The following AMMECR1 variants were observed in gnomAD, a reference collection of about 807,000 sequenced individuals.
AMMECR1 encodes the protein nuclear protein AMMECR1.
In AMMECR1, 3 loss-of-function variants were observed where a neutral mutation model predicts 22.5. That is an observed-to-expected ratio of 0.13 (90% CI 0.06 to 0.35). The LOEUF (loss-of-function observed/expected upper bound fraction) is 0.35, where lower values mean the gene tolerates loss of function less well. AMMECR1 is among the 10% of genes least tolerant of loss of function. The pLI, the probability that AMMECR1 is intolerant of heterozygous loss-of-function variation, is 1.00. For missense variants in AMMECR1, 235 were observed against 278.7 expected, an observed-to-expected ratio of 0.84 and a Z score of 1.12; for synonymous variants, 130 against 116.7, an observed-to-expected ratio of 1.11 and a Z score of -0.74.
intron 2 of AMMECR1, among the ~76,000 whole-genome samples, chrX:110,378,069 CCTTTT>C (rs2068391794): frequency 9.2e-6 from 1 of 108,442 alleles, no homozygotes. Flanking sequence ...CATCTTTTGT[CCTTTT>C]CTTCAAGATT....
chrX:110,383,953 C>T (rs2147051), intron 2 of AMMECR1, among the ~76,000 whole-genome samples: 12,688 of 111,477 alleles, frequency 0.11, 1,248 homozygotes, highest in African/African-American at 0.32. Flanking sequence ...GCTTCAGCTT[C>T]GTCATGTATA....
At chrX:110,257,430 G>T (rs997705626) in intron 2 of AMMECR1, among the ~76,000 whole-genome samples, 3 of 112,259 alleles carry the variant, frequency 2.7e-5, no homozygotes, top group African/African-American at 9.7e-5. Flanking sequence ...GCATGTGCAT[G>T]CACACTCTTA....
At chrX:110,337,786 T>C (rs896425695) in intron 2 of AMMECR1, among the ~76,000 whole-genome samples, 3 of 112,441 alleles carry the variant, frequency 2.7e-5, no homozygotes, top group African/African-American at 9.7e-5. Flanking sequence ...GCAGCATTAT[T>C]CATAATAGCT....
chrX:110,247,977 A>G (rs1436764372), intron 2 of AMMECR1, among the ~76,000 whole-genome samples: 1 of 112,280 alleles, frequency 8.9e-6, no homozygotes, highest in East Asian at 2.8e-4. Context: ...TGTTTGCCAC[A>G]GAATTTTAAA....
At position 110,209,181 on chromosome X, in the gene AMMECR1, AAAAT is replaced by A. The variant is rs767569874; in HGVS notation, c.700-6649_700-6646del. On this transcript the variant is annotated intron_variant, in intron 3 of 5. Transcript: ENST00000262844. ...CTGTTTGCCTAATAAGAAATTAAGAAAAATAAAATTGTATTCATTAGAACTGTAC... is the reference window on the plus strand; with the variant it reads ...CTGTTTGCCTAATAAGAAATTAAGAAAAAATTGTATTCATTAGAACTGTAC... 3.0e-4 allele frequency among the ~76,000 whole-genome samples: 34 copies of A among 112,032 alleles called. 1 individual carries two copies. The South Asian group carries it at 0.012, about 39-fold the overall frequency.
At chrX:110,316,392 T>C (rs1400399090) in intron 1 of AMMECR1, among the ~76,000 whole-genome samples, 2 of 111,459 alleles carry the variant, frequency 1.8e-5, no homozygotes, top group Non-Finnish European at 3.8e-5. Context: ...GCACTTGTCT[T>C]AGCTGGAAAA....
chrX:110,306,789 A>C (rs1292110829), intron 1 of AMMECR1: 1 of 112,105 alleles, frequency 8.9e-6, no homozygotes, highest in Non-Finnish European at 1.9e-5. Context: ...TAATTTGTGA[A>C]GGATTCCCAA....
intron 1 of AMMECR1, among the ~76,000 whole-genome samples, chrX:110,269,828 TA>T (rs1261079038): frequency 8.0e-5 from 9 of 111,972 alleles, no homozygotes; most frequent in African/African-American, 2.6e-4. Flanking sequence ...ATTCAATTCA[TA>T]AAAACATACC....
intron 2 of AMMECR1, among the ~76,000 whole-genome samples, chrX:110,386,829 G>A (rs1192812885): frequency 1.8e-5 from 2 of 112,003 alleles, no homozygotes; most frequent in East Asian, 5.5e-4. Flanking sequence ...GCACTGTGGG[G>A]GAATAAGACC....
chrX:110,400,986 G>C (rs773893060), intron 2 of AMMECR1, among the ~76,000 whole-genome samples: 1 of 112,008 alleles, frequency 8.9e-6, no homozygotes, highest in Non-Finnish European at 1.9e-5. Flanking sequence ...AGGTGGACAT[G>C]ATATTTAATG....
intron 1 of AMMECR1, among the ~76,000 whole-genome samples, chrX:110,299,322 C>G (rs1052349992): frequency 9.0e-6 from 1 of 111,694 alleles, no homozygotes; most frequent in African/African-American, 3.2e-5. Flanking sequence ...TGACTCAGAT[C>G]TATGAGATAA....
At chrX:110,224,792 T>C (rs1162069201) in intron 2 of AMMECR1, among the ~76,000 whole-genome samples, 2 of 111,222 alleles carry the variant, frequency 1.8e-5, no homozygotes, top group African/African-American at 3.3e-5. Context: ...ATTCATACTA[T>C]AGCAAAATCC....
Position 110,336,266 on chromosome X carries a change from A to C in AMMECR1, c.-147-18417T>G, listed in dbSNP as rs138421389. Among the ~76,000 whole-genome samples the C allele has an allele frequency of 3.1e-4, 35 of 111,851 alleles. No homozygotes were observed. The East Asian group carries it at 7.9e-3, about 25-fold the overall frequency. On this transcript the variant is annotated intron_variant, in intron 2 of 7. Transcript: ENST00000372057. ...TGTTTCATTGCATGTCAAGGTTAGA[A>C]AGTCACTTAGAGATCATCCAGATCC...
At chrX:110,403,309 C>T (rs1424119242) in intron 2 of AMMECR1, among the ~76,000 whole-genome samples, 1 of 112,199 alleles carries the variant, frequency 8.9e-6, no homozygotes, top group Non-Finnish European at 1.9e-5. Flanking sequence ...AAAACAATAA[C>T]AAAACCCATT....
chrX:110,289,601 T>C (rs1424450194), intron 1 of AMMECR1, among the ~76,000 whole-genome samples: 3 of 112,167 alleles, frequency 2.7e-5, no homozygotes, highest in Non-Finnish European at 5.6e-5. Context: ...GAAACATATA[T>C]GTACATAAAC....
rs1239171922 is a variant in AMMECR1, at chrX:110,202,653, C to T, written c.700-117G>A. On this transcript the variant is annotated intron_variant, in intron 3 of 5. Transcript: ENST00000262844. ...TCCTTTCCCTTTGTTTTTAGAAGGA[C>T]GTATAAGTTTTCTCTTTCCAAAGCT... 7 of 468,416 alleles carry T rather than the reference C, an allele frequency of 1.5e-5. No individual in the cohort carries two copies. The East Asian group carries it at 1.9e-4, about 13-fold the overall frequency. 38.6% of individuals were successfully genotyped at this position (468,416 alleles called of 1,213,427 possible). A position where few individuals can be genotyped will look rare whatever the true frequency, so the allele number is the denominator to read the frequency against.
At chrX:110,329,064 A>G (rs774946965) in intron 2 of AMMECR1, among the ~76,000 whole-genome samples, 1 of 112,270 alleles carries the variant, frequency 8.9e-6, no homozygotes, top group Non-Finnish European at 1.9e-5. Flanking sequence ...CAATGGTTGA[A>G]CTAATTTGCA....
At chrX:110,257,755 C>T (rs1050653208) in intron 2 of AMMECR1, among the ~76,000 whole-genome samples, 13 of 111,500 alleles carry the variant, frequency 1.2e-4, no homozygotes, top group Admixed American at 3.8e-4. Flanking sequence ...TCCAGTATCA[C>T]GTCCTCTGCT....
chrX:110,290,307 C>T (rs1438153520), intron 1 of AMMECR1, among the ~76,000 whole-genome samples: 2 of 111,405 alleles, frequency 1.8e-5, no homozygotes, highest in Non-Finnish European at 3.8e-5. Flanking sequence ...AGCCCAACTT[C>T]CCCAATGCTT....
Sources: gnomAD v4.1 joint callset for allele counts (sites outside exome capture counted in the v4.1 genomes callset) on GRCh38, gnomAD v4.1.1 for gene constraint, MANE v1.5 for transcripts, NCBI Gene and HGNC (gene_info 2026-07-23, HGNC 2026-07-21) for gene names.